The following NTN1 variants were observed in gnomAD, a reference collection of about 807,000 sequenced individuals.
NTN1 encodes netrin 1, also known as netrin-1.
A neutral mutation model predicts 54.2 loss-of-function variants in NTN1; 11 were observed. The ratio of observed to expected loss-of-function variants is 0.20; its 90% CI spans 0.13 to 0.34. The LOEUF is 0.34. Ranked by LOEUF, NTN1 falls within the 10% of genes least tolerant of loss-of-function variation. NTN1 has a pLI of 1.00. For missense variants in NTN1, 740 were observed against 893.1 expected, an observed-to-expected ratio of 0.83 and a Z score of 2.18; for synonymous variants, 371 against 382.0, an observed-to-expected ratio of 0.97 and a Z score of 0.33.
At chr17:9,183,472 C>A (rs890888434) in intron 5 of NTN1, 2 of 382,840 alleles carry the variant, frequency 5.2e-6, no homozygotes, top group African/African-American at 2.1e-5. Flanking sequence ...AAAGAGAGGC[C>A]GCAGACCGCA....
chr17:9,110,832 G>T (rs1189375489), intron 2 of NTN1, among the ~76,000 whole-genome samples: 3 of 151,614 alleles, frequency 2.0e-5, no homozygotes, highest in African/African-American at 7.3e-5. Context: ...TCCGGCCTCT[G>T]CCTCTCTGCC....
upstream of NTN1, among the ~76,000 whole-genome samples, chr17:9,018,796 T>C (rs1190820267): frequency 6.6e-6 from 1 of 152,218 alleles, no homozygotes; most frequent in East Asian, 1.9e-4. Flanking sequence ...TTTCCTGACT[T>C]GGGTTTTGAT....
intron 2 of NTN1, among the ~76,000 whole-genome samples, chr17:9,096,366 CTTTT>C (rs1555567412): frequency 1.1e-5 from 1 of 91,510 alleles, no homozygotes; most frequent in Non-Finnish European, 2.0e-5. Context: ...TATGGGTAGA[CTTTT>C]TTTTTTTTTT....
chr17:9,172,013 C>T (rs1293933931), intron 3 of NTN1, among the ~76,000 whole-genome samples: 7 of 151,682 alleles, frequency 4.6e-5, no homozygotes, highest in East Asian at 2.0e-4. Context: ...CTCACCCTCC[C>T]GAGTAGCTGG....
intron 2 of NTN1, among the ~76,000 whole-genome samples, chr17:9,086,045 G>A (rs1240030071): frequency 6.6e-6 from 1 of 152,170 alleles, no homozygotes. Flanking sequence ...TGCCCCAATT[G>A]ATAATTTATG....
Position 9,059,706 on chromosome 17 carries a change from G to A in NTN1, c.1018+36315G>A, listed in dbSNP as rs368409463. Among the ~76,000 whole-genome samples, 27 of 152,200 alleles carry A rather than the reference G, an allele frequency of 1.8e-4. No homozygotes were observed. In the East Asian group the frequency reaches 2.3e-3, roughly 13 times the overall value. On this transcript the variant is annotated intron_variant, in intron 2 of 6. Coordinates refer to ENST00000173229, the MANE Select transcript of NTN1 (RefSeq NM_004822.3). ...AAGTTATGGAATCTCCTTTAGGGAA[G>A]ATGAAAACATTTTGAAACTAGACAG...
At chr17:9,136,591 A>G (rs2092282278) in intron 2 of NTN1, among the ~76,000 whole-genome samples, 1 of 151,954 alleles carries the variant, frequency 6.6e-6, no homozygotes, top group South Asian at 2.1e-4. Flanking sequence ...AGAAACAAAC[A>G]AAAAAAGAAA....
chr17:9,170,435 G>A (rs1404831932), intron 3 of NTN1, among the ~76,000 whole-genome samples: 1 of 152,172 alleles, frequency 6.6e-6, no homozygotes, highest in Admixed American at 6.5e-5. Flanking sequence ...GTGAGTGGTG[G>A]CCCTCAGGAG....
At chr17:9,133,526 T>C (rs2092271925) in intron 2 of NTN1, among the ~76,000 whole-genome samples, 2 of 151,868 alleles carry the variant, frequency 1.3e-5, no homozygotes, top group Non-Finnish European at 2.9e-5. Flanking sequence ...TTAATTCTTG[T>C]CCTGGCTGGA....
At chr17:9,095,097 T>G (rs1452341082) in intron 2 of NTN1, among the ~76,000 whole-genome samples, 2 of 152,138 alleles carry the variant, frequency 1.3e-5, no homozygotes, top group African/African-American at 2.4e-5. Context: ...TTCCTTTTTT[T>G]GGGGAATTGC....
upstream of NTN1, among the ~76,000 whole-genome samples, chr17:9,016,991 C>G (rs954445820): frequency 1.3e-5 from 2 of 152,118 alleles, no homozygotes; most frequent in Admixed American, 1.3e-4. Context: ...GCTCCCAGCT[C>G]CTCCCCCATC....
chr17:9,043,209 T>A (rs1340342432), intron 2 of NTN1, among the ~76,000 whole-genome samples: 1 of 152,206 alleles, frequency 6.6e-6, no homozygotes, highest in African/African-American at 2.4e-5. Flanking sequence ...ATAGCAAACA[T>A]TTTTTCTCAC....
At chr17:9,119,621 C>T (rs2092225981) in intron 2 of NTN1, among the ~76,000 whole-genome samples, 2 of 152,078 alleles carry the variant, frequency 1.3e-5, no homozygotes, top group South Asian at 2.1e-4. Context: ...GCTTCAGCCT[C>T]TCAAGTAGTT....
chr17:9,196,406 G>T (rs1234776006), intron 5 of NTN1, among the ~76,000 whole-genome samples: 1 of 152,224 alleles, frequency 6.6e-6, no homozygotes, highest in Non-Finnish European at 1.5e-5. Flanking sequence ...TGGCAGGGAG[G>T]CTACCAGCTG....
chr17:9,148,802 G>A (rs1319575241), intron 2 of NTN1, among the ~76,000 whole-genome samples: 1 of 151,898 alleles, frequency 6.6e-6, no homozygotes, highest in Non-Finnish European at 1.5e-5. Flanking sequence ...ACGGGGGTCT[G>A]GTGTGCAGTA....
intron 2 of NTN1, among the ~76,000 whole-genome samples, chr17:9,118,183 T>G (rs970042058): frequency 6.6e-6 from 1 of 152,220 alleles, no homozygotes; most frequent in Admixed American, 6.5e-5. Flanking sequence ...TTAACAGCTT[T>G]ATTGAGATAT....
intron 3 of NTN1, chr17:9,171,016 C>A (rs769585087): frequency 2.0e-5 from 3 of 152,168 alleles, no homozygotes; most frequent in Admixed American, 2.0e-4. Flanking sequence ...GGGCTCCCCT[C>A]CCCCCAACTT....
At chr17:9,043,298 C>T (rs2091928881) in intron 2 of NTN1, among the ~76,000 whole-genome samples, 1 of 152,092 alleles carries the variant, frequency 6.6e-6, no homozygotes, top group African/African-American at 2.4e-5. Context: ...ATTTAATGAA[C>T]ACTCACTGTG....
intron 2 of NTN1, among the ~76,000 whole-genome samples, chr17:9,040,797 C>CTT (rs147482508): frequency 3.4e-5 from 5 of 148,482 alleles, no homozygotes; most frequent in Non-Finnish European, 7.5e-5. Context: ...CTCTTTCTTA[C>CTT]TTTTTTTTTT....
Sources: allele counts gnomAD v4.1 joint callset (sites outside exome capture counted in the v4.1 genomes callset), GRCh38; gene constraint gnomAD v4.1.1; transcripts MANE v1.5; gene names NCBI Gene and HGNC (gene_info 2026-07-23, HGNC 2026-07-21).